Variants in POSTN observed in about 807,000 individuals in gnomAD.
The protein encoded by POSTN is osteoblast specific factor 2 (fasciclin I-like).
A neutral mutation model predicts 104.5 loss-of-function variants in POSTN; 71 were observed. The ratio of observed to expected loss-of-function variants is 0.68; its 90% CI spans 0.56 to 0.83. The LOEUF (loss-of-function observed/expected upper bound fraction) is 0.83. Ranked by LOEUF, POSTN falls within the 40% of genes least tolerant of loss-of-function variation. The pLI is 0.00. For missense variants in POSTN, 949 were observed against 1,006.8 expected, an observed-to-expected ratio of 0.94 and a Z score of 0.78; for synonymous variants, 355 against 340.7, an observed-to-expected ratio of 1.04 and a Z score of -0.46.
At chr13:37,590,576 G>A in intron 3 of POSTN, 47 bp from the exon 4 acceptor site, 1 of 1,427,726 alleles carries the variant, frequency 7.0e-7, no homozygotes, top group Non-Finnish European at 9.4e-7. Flanking sequence ...ATATTCTCAG[G>A]ATATTATTCA....
intron 17 of POSTN, among the ~76,000 whole-genome samples, chr13:37,573,924 A>G (rs1566547790): frequency 1.3e-5 from 2 of 150,600 alleles, no homozygotes; most frequent in Non-Finnish European, 3.0e-5. Flanking sequence ...TCAGGAGAGA[A>G]TGTGTGTGTG....
At chr13:37,585,296 C>T (rs896472831) in intron 7 of POSTN, among the ~76,000 whole-genome samples, 1 of 152,150 alleles carries the variant, frequency 6.6e-6, no homozygotes, top group Admixed American at 6.5e-5. Flanking sequence ...AATCCCAACA[C>T]TTTGGGAGGC....
chr13:37,592,214 C>T (rs1292969641), intron 2 of POSTN, 50 bp from the exon 3 acceptor site: 1 of 1,141,580 alleles, frequency 8.8e-7, no homozygotes, highest in African/African-American at 1.6e-5. Flanking sequence ...AAATAGGATA[C>T]ATTTTTACAT....
Position 37,569,556 on chromosome 13 carries a change from G to A in POSTN, c.2348-173C>T, listed in dbSNP as rs1220587114. On this transcript the variant is annotated intron_variant, in intron 20 of 22. Transcript: ENST00000379747. Reference sequence around the variant, plus strand: ...ATACTAATATTCTTATAAAGTTGTTGAACAAAATACTGTATAAAAAATATG... The same window carrying A: ...ATACTAATATTCTTATAAAGTTGTTAAACAAAATACTGTATAAAAAATATG... The A allele has an allele frequency of 3.7e-6, 3 of 800,590 alleles. No homozygotes were observed. In the African/African-American group the frequency reaches 5.1e-5, roughly 14 times the overall value. 49.6% of individuals were successfully genotyped at this position (800,590 alleles called of 1,614,324 possible).
intron 2 of POSTN, among the ~76,000 whole-genome samples, chr13:37,593,151 C>T (rs1950992715): frequency 1.3e-5 from 2 of 150,760 alleles, no homozygotes. Context: ...GTTCTATAGG[C>T]AATAATTAAG....
At chr13:37,584,281 G>C (rs537102698) in intron 8 of POSTN, among the ~76,000 whole-genome samples, 178 bp from the exon 9 acceptor site, 2 of 152,098 alleles carry the variant, frequency 1.3e-5, no homozygotes, top group Non-Finnish European at 2.9e-5. Flanking sequence ...TTTTTGGTGG[G>C]AGTTGATAAT....
chr13:37,577,631 T>C, intron 16 of POSTN, 122 bp downstream of exon 16: 1 of 1,392,102 alleles, frequency 7.2e-7, no homozygotes, highest in Non-Finnish European at 9.4e-7. Context: ...TGAAATGAGA[T>C]TGGCCATAGT....
intron 22 of POSTN, 70 bp downstream of exon 22, chr13:37,564,449 C>A: frequency 2.4e-6 from 2 of 818,572 alleles, no homozygotes; most frequent in South Asian, 1.9e-5. Context: ...AAAATCTTTC[C>A]TATTGTTTGA....
intron 18 of POSTN, chr13:37,571,010 T>C: frequency 3.4e-6 from 1 of 290,064 alleles, no homozygotes; most frequent in Non-Finnish European, 6.4e-6. Context: ...GTGGAGTGGC[T>C]TATTAGACAG....
intron 21 of POSTN, 140 bp from the exon 22 acceptor site, chr13:37,564,700 A>C: frequency 2.1e-6 from 1 of 476,614 alleles, no homozygotes; most frequent in African/African-American, 2.0e-5. Flanking sequence ...GTTAAATTTT[A>C]TGATCCTCAG....
At chr13:37,566,974 C>T (rs952902235) in intron 21 of POSTN, among the ~76,000 whole-genome samples, 14 of 151,796 alleles carry the variant, frequency 9.2e-5, no homozygotes, top group African/African-American at 1.9e-4. Context: ...CGGTGGCTCA[C>T]GCCTGTAATC....
intron 2 of POSTN, among the ~76,000 whole-genome samples, chr13:37,596,549 T>A (rs900127486): frequency 9.2e-5 from 14 of 152,360 alleles, no homozygotes; most frequent in African/African-American, 3.4e-4. Context: ...TAAAACATAA[T>A]CATCCTTTGG....
chr13:37,582,560 C>G, intron 9 of POSTN, 46 bp from the exon 10 acceptor site: 1 of 1,509,156 alleles, frequency 6.6e-7, no homozygotes, highest in South Asian at 1.3e-5. Context: ...ATTTAGAAAA[C>G]ATTGAAGTTT....
At position 37,563,276 on chromosome 13, in the gene POSTN, T is replaced by C; in HGVS notation, c.*57A>G. 1 of 1,260,582 alleles carries C rather than the reference T, an allele frequency of 7.9e-7. No individual in the cohort carries two copies. The highest frequency in any genetic ancestry group is 1.5e-5 in the South Asian group (1 of 66,050). The allele number at this position is 1,260,582 out of a possible 1,614,324, so 78.1% of individuals were successfully genotyped here. On this transcript the variant is annotated 3_prime_UTR_variant, in exon 23 of 23. Transcript: ENST00000379747. ...AGTCAACTTGGCTCTCACAATTTTC[T>C]AAGGTCAGGTTATTGACTTAGGGTT... is the stretch of plus-strand genomic sequence containing the variant.
chr13:37,597,712 G>A (rs1057273549), intron 1 of POSTN, among the ~76,000 whole-genome samples: 3 of 152,056 alleles, frequency 2.0e-5, no homozygotes, highest in African/African-American at 7.2e-5. Context: ...AAAGAGACAA[G>A]GTTTATTATG....
chr13:37,569,502 T>C, intron 20 of POSTN, 119 bp from the exon 21 acceptor site: 1 of 893,338 alleles, frequency 1.1e-6, no homozygotes, highest in Non-Finnish European at 1.8e-6. Flanking sequence ...CACTCGATTC[T>C]TTCACAAATT....
chr13:37,574,034 A>T (rs1481679727), intron 17 of POSTN, among the ~76,000 whole-genome samples: 2 of 151,706 alleles, frequency 1.3e-5, no homozygotes, highest in Non-Finnish European at 3.0e-5. Flanking sequence ...TCACTGCATA[A>T]ACTACTCATT....
intron 16 of POSTN, among the ~76,000 whole-genome samples, chr13:37,576,191 T>C (rs1428720101): frequency 1.3e-5 from 2 of 152,136 alleles, no homozygotes; most frequent in African/African-American, 2.4e-5. Context: ...TTAAAATGGA[T>C]GTTATTTTGG....
chr13:37,590,578 T>C (rs1473589901), intron 3 of POSTN, 49 bp from the exon 4 acceptor site: 2 of 1,432,492 alleles, frequency 1.4e-6, no homozygotes, highest in African/African-American at 2.8e-5. Context: ...ATTCTCAGGA[T>C]ATTATTCATA....
Sources: gnomAD v4.1 joint callset for allele counts (sites outside exome capture counted in the v4.1 genomes callset) on GRCh38, gnomAD v4.1.1 for gene constraint, MANE v1.5 for transcripts, NCBI Gene and HGNC (gene_info 2026-07-23, HGNC 2026-07-21) for gene names.